RBFOX1: variants seen among roughly 807,000 people sequenced by gnomAD.
RBFOX1 encodes the protein RNA binding fox-1 homolog 1.
In RBFOX1, 8 loss-of-function variants were observed where a neutral mutation model predicts 57.7. The ratio of observed to expected loss-of-function variants is 0.14; its 90% CI spans 0.08 to 0.25. RBFOX1 has a LOEUF of 0.25. Among genes scored for constraint, RBFOX1 ranks in the 10% least tolerant of loss-of-function variants. The pLI is 1.00. For synonymous variants in RBFOX1, 326 were observed against 222.4 expected, an observed-to-expected ratio of 1.47 and a Z score of -4.15; for missense variants, 611 against 548.5, an observed-to-expected ratio of 1.11 and a Z score of -1.14.
At chr16:7,030,360 A>G (rs936330816) in intron 3 of RBFOX1, among the ~76,000 whole-genome samples, 4 of 152,166 alleles carry the variant, frequency 2.6e-5, no homozygotes, top group Non-Finnish European at 2.9e-5. Flanking sequence ...AGTTAACGCC[A>G]ACTGGATGGC....
At chr16:7,573,459 T>G (rs950601048) in intron 5 of RBFOX1, among the ~76,000 whole-genome samples, 3 of 152,126 alleles carry the variant, frequency 2.0e-5, no homozygotes, top group African/African-American at 7.2e-5. Context: ...ATTCTCTGAA[T>G]TTTCTGCATG....
chr16:6,783,356 T>C (rs534570456), intron 3 of RBFOX1, among the ~76,000 whole-genome samples: 1 of 151,316 alleles, frequency 6.6e-6, no homozygotes, highest in East Asian at 1.9e-4. Flanking sequence ...ATATAAGCAA[T>C]TTTCTGGTAA....
At position 6,682,879 on chromosome 16, in the gene RBFOX1, A is replaced by G. The variant is rs1363367560; in HGVS notation, c.-16+28229A>G. On this transcript the variant is annotated intron_variant, in intron 3 of 15. Coordinates refer to ENST00000550418, the MANE Select transcript of RBFOX1 (RefSeq NM_018723.4). ...GAAAAAAGAAAAGAATTAAAAAAAA[A>G]AAAAAAAGGAAATGGAAGGATAAGA... Among the ~76,000 whole-genome samples the G allele has an allele frequency of 2.6e-5, 4 of 151,492 alleles. No homozygotes were observed. The East Asian group carries it at 7.7e-4, about 29-fold the overall frequency.
chr16:6,937,886 T>A (rs990969922), intron 3 of RBFOX1, among the ~76,000 whole-genome samples: 6 of 145,864 alleles, frequency 4.1e-5, no homozygotes, highest in Non-Finnish European at 7.4e-5. Context: ...AAAAGGGAGA[T>A]GGGTATCATG....
chr16:6,185,416 C>G (rs2097098905), intron 1 of RBFOX1, among the ~76,000 whole-genome samples: 2 of 152,214 alleles, frequency 1.3e-5, no homozygotes, highest in Non-Finnish European at 2.9e-5. Flanking sequence ...CTGATTATCT[C>G]CATTTTACAA....
At chr16:7,650,255 A>C (rs1250743428) in intron 11 of RBFOX1, among the ~76,000 whole-genome samples, 1 of 152,016 alleles carries the variant, frequency 6.6e-6, no homozygotes, top group Non-Finnish European at 1.5e-5. Flanking sequence ...AGGACACTTG[A>C]ATCCTCCAGC....
At chr16:7,290,100 A>G (rs1365108904) in intron 4 of RBFOX1, among the ~76,000 whole-genome samples, 1 of 152,232 alleles carries the variant, frequency 6.6e-6, no homozygotes, top group Admixed American at 6.5e-5. Flanking sequence ...TTACACCGGT[A>G]GAAACCATTT....
chr16:7,003,835 A>C (rs545202793), intron 3 of RBFOX1, among the ~76,000 whole-genome samples: 3 of 152,276 alleles, frequency 2.0e-5, no homozygotes, highest in African/African-American at 7.2e-5. Flanking sequence ...TCTACTTATA[A>C]ATTGCAAAGA....
chr16:6,905,807 C>T (rs1178920850), intron 3 of RBFOX1, among the ~76,000 whole-genome samples: 2 of 152,218 alleles, frequency 1.3e-5, no homozygotes, highest in Non-Finnish European at 2.9e-5. Context: ...CCTAGGAAAC[C>T]TGCTGCCTTG....
At chr16:6,519,536 A>G (rs1202714895) in intron 2 of RBFOX1, among the ~76,000 whole-genome samples, 1 of 152,112 alleles carries the variant, frequency 6.6e-6, no homozygotes, top group Non-Finnish European at 1.5e-5. Flanking sequence ...CCCCGTCTGC[A>G]CTAAAAATAC....
At chr16:6,731,426 A>G (rs951175239) in intron 3 of RBFOX1, among the ~76,000 whole-genome samples, 9 of 151,976 alleles carry the variant, frequency 5.9e-5, no homozygotes, top group African/African-American at 1.7e-4. Context: ...GCATACTGCT[A>G]CTCTCTGTCC....
intron 2 of RBFOX1, among the ~76,000 whole-genome samples, chr16:6,576,090 C>T (rs1005764321): frequency 6.6e-6 from 1 of 152,074 alleles, no homozygotes; most frequent in African/African-American, 2.4e-5. Flanking sequence ...CTTCATACCG[C>T]ATTGTTTATT....
At chr16:7,433,294 C>G (rs926975079) in intron 4 of RBFOX1, among the ~76,000 whole-genome samples, 6 of 152,200 alleles carry the variant, frequency 3.9e-5, no homozygotes, top group South Asian at 2.1e-4. Flanking sequence ...CTAATTCAAA[C>G]CCTAAGCTCT....
intron 4 of RBFOX1, among the ~76,000 whole-genome samples, chr16:7,108,144 T>G (rs2063946926): frequency 6.6e-6 from 1 of 152,092 alleles, no homozygotes; most frequent in South Asian, 2.1e-4. Context: ...ACAAAATACA[T>G]TTCAGGAAAA....
chr16:7,216,335 TC>T (rs1208224561), intron 4 of RBFOX1, among the ~76,000 whole-genome samples: 7 of 150,734 alleles, frequency 4.6e-5, no homozygotes, highest in Non-Finnish European at 1.0e-4. Flanking sequence ...ACTGTTTTTT[TC>T]TTCCGTAAAA....
chr16:5,676,482 A>T (rs555802028), intron 3 of RBFOX1, among the ~76,000 whole-genome samples: 3 of 152,272 alleles, frequency 2.0e-5, no homozygotes, highest in Non-Finnish European at 2.9e-5. Flanking sequence ...AAGTCACTCA[A>T]CCTCTCTGAG....
rs112326752 is a variant in RBFOX1 at position 7,267,602 on chromosome 16, C to G, written c.27+215504C>G. Among the ~76,000 whole-genome samples, 547 of 149,636 alleles carry G rather than the reference C, an allele frequency of 3.7e-3. 5 individuals carry two copies. The highest frequency in any genetic ancestry group is 0.013 in the African/African-American group (522 of 40,712). ...GAGCACGATGGCTCATGTCTGTAAT[C>G]GTAGTACTTTGGGAGGCTGAGGTGG... On this transcript the variant is annotated intron_variant, in intron 4 of 15. Transcript: ENST00000550418.
intron 3 of RBFOX1, among the ~76,000 whole-genome samples, chr16:5,626,336 T>C (rs1405376232): frequency 2.0e-5 from 3 of 152,202 alleles, no homozygotes; most frequent in Non-Finnish European, 2.9e-5. Context: ...TGTGTCTTCA[T>C]GTAGGCTTTC....
chr16:5,664,288 G>A (rs1233999358), intron 3 of RBFOX1, among the ~76,000 whole-genome samples: 4 of 152,106 alleles, frequency 2.6e-5, no homozygotes, highest in African/African-American at 4.8e-5. Flanking sequence ...AGTGGCTCAC[G>A]CCTATAATCC....
Sources: gnomAD v4.1 joint callset for allele counts (sites outside exome capture counted in the v4.1 genomes callset) on GRCh38, gnomAD v4.1.1 for gene constraint, MANE v1.5 for transcripts, NCBI Gene and HGNC (gene_info 2026-07-23, HGNC 2026-07-21) for gene names.